Variants in GSTCD observed in about 807,000 individuals in gnomAD.
The protein encoded by GSTCD is glutathione S-transferase C-terminal domain containing.
GSTCD carries 44 observed loss-of-function variants against 68.3 expected under a neutral mutation model. That is an observed-to-expected ratio of 0.64 (90% CI 0.51 to 0.83). The LOEUF is 0.83. Among genes scored for constraint, GSTCD ranks in the 40% least tolerant of loss-of-function variants. The pLI is 0.00. For missense variants in GSTCD, 739 were observed against 735.9 expected (o/e 1.00, Z -0.05); for synonymous variants, 273 against 255.2 (o/e 1.07, Z -0.67).
chr4:105,841,494 T>C (rs1560857646), intron 10 of GSTCD, among the ~76,000 whole-genome samples: 1 of 152,114 alleles, frequency 6.6e-6, no homozygotes, highest in African/African-American at 2.4e-5. Context: ...TAAAAGCAAC[T>C]GGGCAAAATG....
At chr4:105,826,337 A>G (rs1170170210) in intron 8 of GSTCD, among the ~76,000 whole-genome samples, 1 of 151,982 alleles carries the variant, frequency 6.6e-6, no homozygotes, top group South Asian at 2.1e-4. Flanking sequence ...AATCCCTAAG[A>G]TATGTAATTC....
intron 1 of GSTCD, among the ~76,000 whole-genome samples, chr4:105,713,866 A>C (rs1437690923): frequency 6.6e-6 from 1 of 151,694 alleles, no homozygotes; most frequent in Admixed American, 6.6e-5. Context: ...TTATGTATAC[A>C]TAATGCCATA....
In GSTCD at chr4:105,761,370, C is replaced by T. The variant is rs377245244; in HGVS notation, c.1240+31871C>T. The T allele has an allele frequency of 2.1e-3, 330 of 153,694 alleles. 1 individual carries two copies. Among genetic ancestry groups the T allele is most frequent in the Non-Finnish European group, 4.1e-3 (281 of 69,132 alleles). 9.5% of individuals were successfully genotyped at this position (153,694 alleles called of 1,614,324 possible). A position where few individuals can be genotyped will look rare whatever the true frequency, so the allele number is the denominator to read the frequency against. ...GAGAACAGAGGCATCAATACTGTTA[C>T]AGTCTATTAGTTATCTGGCCCTATG... is the stretch of plus-strand genomic sequence containing the variant. On this transcript the variant is annotated intron_variant, in intron 5 of 11. Coordinates refer to ENST00000515279, the MANE Select transcript of GSTCD (RefSeq NM_001370181.1).
intron 5 of GSTCD, among the ~76,000 whole-genome samples, chr4:105,738,627 T>G (rs2149218303): frequency 6.6e-6 from 1 of 152,272 alleles, no homozygotes; most frequent in Middle Eastern, 3.4e-3. Flanking sequence ...TTTTTTCTTG[T>G]TTGTCTTGTT....
intron 5 of GSTCD, among the ~76,000 whole-genome samples, chr4:105,737,990 A>G (rs1485467821): frequency 1.3e-5 from 2 of 151,210 alleles, no homozygotes; most frequent in Non-Finnish European, 3.0e-5. Context: ...TACCTCCTCT[A>G]CTCTCTCTCT....
In GSTCD at chr4:105,717,833, C is replaced by T. The variant is rs1388146280; in HGVS notation, c.220C>T (p.Gln74Ter). 1.2e-5 allele frequency: 19 copies of T among 1,613,328 alleles called. No homozygotes were observed. Among genetic ancestry groups the T allele is most frequent in the Non-Finnish European group, 1.5e-5 (18 of 1,179,402 alleles). ...RDDLIQDVEI[Q>*]IISRQELPPI... ...TGACCTGATCCAGGATGTTGAAATACAGATTATTTCAAGGCAGGAGCTCCC... is the reference window on the plus strand; with the variant it reads ...TGACCTGATCCAGGATGTTGAAATATAGATTATTTCAAGGCAGGAGCTCCC... The change falls in exon 2 of 12, where the codon CAG becomes TAG. Residue 74 changes from glutamine (Q) to a stop codon, truncating the protein, a stop_gained. Coordinates refer to ENST00000515279, the MANE Select transcript of GSTCD (RefSeq NM_001370181.1). LOFTEE classifies it high-confidence loss of function.
chr4:105,794,048 T>C (rs1465040934), intron 5 of GSTCD, among the ~76,000 whole-genome samples: 1 of 152,122 alleles, frequency 6.6e-6, no homozygotes, highest in Non-Finnish European at 1.5e-5. Context: ...CCAAAAACTA[T>C]TTGTTTTTAA....
chr4:105,728,352 A>C (rs1733109561), intron 4 of GSTCD, among the ~76,000 whole-genome samples: 1 of 152,140 alleles, frequency 6.6e-6, no homozygotes, highest in Non-Finnish European at 1.5e-5. Context: ...AGTAAGAATG[A>C]GTTTAGTGAA....
intron 5 of GSTCD, among the ~76,000 whole-genome samples, chr4:105,749,650 A>G (rs1236385427): frequency 1.3e-5 from 2 of 151,882 alleles, no homozygotes; most frequent in East Asian, 3.8e-4. Context: ...GCACACTTAT[A>G]TTAAAGTTAA....
chr4:105,712,240 T>G (rs1037129529), intron 1 of GSTCD, among the ~76,000 whole-genome samples: 3 of 152,226 alleles, frequency 2.0e-5, no homozygotes, highest in African/African-American at 7.2e-5. Flanking sequence ...GCTTTTTCAA[T>G]TCAGGCAGTC....
intron 10 of GSTCD, among the ~76,000 whole-genome samples, chr4:105,839,164 A>T (rs555984273): frequency 1.3e-5 from 2 of 152,184 alleles, no homozygotes; most frequent in African/African-American, 4.8e-5. Flanking sequence ...TTTAGTGTTC[A>T]TGCTTTCAGC....
rs143985967 is a variant in GSTCD, at chr4:105,789,395, G to T, written c.1241-33559G>T. On this transcript the variant is annotated intron_variant, in intron 5 of 11. Coordinates refer to ENST00000515279, the MANE Select transcript of GSTCD (RefSeq NM_001370181.1). ...CCTCTCACAAGGCTACACAGTCAGT[G>T]TGTAGGCTGGGCTGTGGTCTCATCA... Among the ~76,000 whole-genome samples the T allele has an allele frequency of 4.6e-5, 7 of 152,188 alleles. No individual in the cohort carries two copies. In the East Asian group the frequency reaches 1.3e-3, roughly 29 times the overall value.
chr4:105,828,616 A>C (rs1723761538), intron 8 of GSTCD, among the ~76,000 whole-genome samples: 1 of 152,190 alleles, frequency 6.6e-6, no homozygotes, highest in Non-Finnish European at 1.5e-5. Context: ...TCACAATATG[A>C]AGTGTGAAGG....
chr4:105,813,135 T>C (rs1020467711), intron 5 of GSTCD, among the ~76,000 whole-genome samples: 1 of 152,208 alleles, frequency 6.6e-6, no homozygotes, highest in African/African-American at 2.4e-5. Context: ...TATTTTTGTT[T>C]ACATTTTTCA....
rs572563691 is a variant in GSTCD at position 105,804,848 on chromosome 4, G to A, written c.1241-18106G>A. ...TGTTGCTCCCCTGCCATGTGTCCAT[G>A]TGTTGTCATCGTTCAGCTCCCGTTT... On this transcript the variant is annotated intron_variant, in intron 5 of 11. Coordinates refer to ENST00000515279, the MANE Select transcript of GSTCD (RefSeq NM_001370181.1). Among the ~76,000 whole-genome samples the A allele has an allele frequency of 2.0e-5, 3 of 152,106 alleles. No homozygotes were observed. The South Asian group carries it at 6.2e-4, about 32-fold the overall frequency.
chr4:105,809,287 T>A (rs1285892276), intron 5 of GSTCD, among the ~76,000 whole-genome samples: 3 of 152,060 alleles, frequency 2.0e-5, no homozygotes, highest in African/African-American at 7.2e-5. Flanking sequence ...GTGGTCTGAT[T>A]GATGGCAGTC....
At chr4:105,780,108 C>T (rs1445510492) in intron 5 of GSTCD, among the ~76,000 whole-genome samples, 2 of 152,280 alleles carry the variant, frequency 1.3e-5, no homozygotes, top group East Asian at 3.9e-4. Flanking sequence ...ATCAACCTCA[C>T]TTAACAAGAG....
At chr4:105,714,462 GA>G (rs1732626467) in intron 1 of GSTCD, among the ~76,000 whole-genome samples, 2 of 147,812 alleles carry the variant, frequency 1.4e-5, no homozygotes, top group South Asian at 2.2e-4. Context: ...AAAGAGGAAG[GA>G]TTTTTTTTTT....
chr4:105,754,628 C>A (rs1734118265), intron 5 of GSTCD, among the ~76,000 whole-genome samples: 1 of 152,040 alleles, frequency 6.6e-6, no homozygotes, highest in Non-Finnish European at 1.5e-5. Context: ...GTCTTAATTC[C>A]CAGGACAACT....
Sources: allele counts gnomAD v4.1 joint callset (sites outside exome capture counted in the v4.1 genomes callset), GRCh38; gene constraint gnomAD v4.1.1; transcripts MANE v1.5; gene names NCBI Gene and HGNC (gene_info 2026-07-23, HGNC 2026-07-21).